ABLIM1: variants seen among roughly 807,000 people sequenced by gnomAD.
ABLIM1 encodes the protein actin-binding LIM protein 1.
A neutral mutation model predicts 107.0 loss-of-function variants in ABLIM1; 40 were observed. The ratio of observed to expected loss-of-function variants is 0.37; its 90% CI spans 0.29 to 0.49. The LOEUF (loss-of-function observed/expected upper bound fraction) is 0.49. Ranked by LOEUF, ABLIM1 falls within the 20% of genes least tolerant of loss-of-function variation. The pLI, the probability that ABLIM1 is intolerant of heterozygous loss-of-function variation, is 0.97. For synonymous variants in ABLIM1, 357 were observed against 357.3 expected (o/e 1.00, Z 0.01); for missense variants, 857 against 1,008.5 (o/e 0.85, Z 2.04).
chr10:114,788,860 G>T, the ABLIM1 span, among the ~76,000 whole-genome samples: 1 of 152,154 alleles, frequency 6.6e-6, no homozygotes, highest in African/African-American at 2.4e-5. Context: ...ACCAAATATT[G>T]CATAGAATAC....
At chr10:114,676,694 C>T (rs2080501944) in intron 1 of ABLIM1, among the ~76,000 whole-genome samples, 2 of 151,998 alleles carry the variant, frequency 1.3e-5, no homozygotes, top group South Asian at 2.1e-4. Context: ...ACTCCTAAGT[C>T]CTTTCACTGT....
chr10:114,709,568 G>C (rs1257310617), intron 1 of ABLIM1, among the ~76,000 whole-genome samples: 1 of 152,140 alleles, frequency 6.6e-6, no homozygotes, highest in African/African-American at 2.4e-5. Context: ...TTGTGTATGA[G>C]ATTGTTTTAT....
chr10:114,512,298 G>A (rs1388666284), intron 6 of ABLIM1, among the ~76,000 whole-genome samples: 1 of 152,170 alleles, frequency 6.6e-6, no homozygotes, highest in Non-Finnish European at 1.5e-5. Flanking sequence ...TTATTCACTC[G>A]TGACATGCTG....
chr10:114,769,552 G>A (rs2082997510), upstream of ABLIM1, among the ~76,000 whole-genome samples: 1 of 134,738 alleles, frequency 7.4e-6, no homozygotes, highest in Admixed American at 7.4e-5. Flanking sequence ...AAGGAAGAAA[G>A]AAAGAGAAGG....
At chr10:114,481,145 A>G (rs925157028) in intron 8 of ABLIM1, among the ~76,000 whole-genome samples, 5 of 152,078 alleles carry the variant, frequency 3.3e-5, no homozygotes, top group Non-Finnish European at 7.4e-5. Flanking sequence ...TCAAATACTA[A>G]CCATTAAAAA....
Position 114,725,179 on chromosome 10 carries a change from G to A in ABLIM1, c.-213+42882C>T, listed in dbSNP as rs2081930647. 3.9e-5 allele frequency among the ~76,000 whole-genome samples: 6 copies of A among 152,220 alleles called. No homozygotes were observed. The South Asian group carries it at 1.2e-3, about 32-fold the overall frequency. On this transcript the variant is annotated intron_variant, in intron 1 of 15. Coordinates refer to the ABLIM1 transcript ENST00000651092. ...ATCAATATCCCTCCGAATTTAAAGAGCCCATAATTTGTGAACTAACAAATT... is the reference window on the plus strand; with the variant it reads ...ATCAATATCCCTCCGAATTTAAAGAACCCATAATTTGTGAACTAACAAATT...
intron 12 of ABLIM1, chr10:114,462,912 C>A (rs2064246604): frequency 9.9e-7 from 1 of 1,006,152 alleles, no homozygotes; most frequent in Non-Finnish European, 1.4e-6. Context: ...TGGGTATAGT[C>A]ATGACACACG....
the ABLIM1 span, among the ~76,000 whole-genome samples, chr10:114,800,089 T>A: frequency 1.3e-5 from 2 of 152,174 alleles, no homozygotes; most frequent in African/African-American, 4.8e-5. Flanking sequence ...AATAATGTTT[T>A]TAATGTAAAA....
the ABLIM1 span, among the ~76,000 whole-genome samples, chr10:114,796,589 C>T: frequency 6.6e-6 from 1 of 152,172 alleles, no homozygotes; most frequent in African/African-American, 2.4e-5. Flanking sequence ...GAGGGTACTA[C>T]ACAAGGGTGT....
At chr10:114,728,865 G>A (rs1331447877) in intron 1 of ABLIM1, among the ~76,000 whole-genome samples, 1 of 152,054 alleles carries the variant, frequency 6.6e-6, no homozygotes, top group African/African-American at 2.4e-5. Context: ...ATTCTATATA[G>A]CAGGGTGCAT....
chr10:114,584,423 C>G (rs534839488), intron 2 of ABLIM1, among the ~76,000 whole-genome samples: 1 of 152,176 alleles, frequency 6.6e-6, no homozygotes, highest in Non-Finnish European at 1.5e-5. Context: ...GACACAATGT[C>G]TTCTCAAACC....
In ABLIM1 at chr10:114,759,897, T is replaced by A. The variant is rs185993171; in HGVS notation, c.-213+8164A>T. Among the ~76,000 whole-genome samples the A allele has an allele frequency of 1.1e-4, 16 of 152,254 alleles. No homozygotes were observed. The East Asian group carries it at 2.7e-3, about 26-fold the overall frequency. On this transcript the variant is annotated intron_variant, in intron 1 of 15. Coordinates refer to the ABLIM1 transcript ENST00000651092. The stretch of plus-strand genomic sequence containing the variant: ...TTAACATTTGTCCTAGATAGAAGCA[T>A]CCCAGGTGGAATTATAACTTATATA...
intron 8 of ABLIM1, among the ~76,000 whole-genome samples, chr10:114,483,016 C>A (rs77223257): frequency 0.025 from 3,735 of 152,306 alleles, 134 homozygotes; most frequent in African/African-American, 0.081. Context: ...GAGCAACACT[C>A]ATTTAAAGTG....
intron 4 of ABLIM1, among the ~76,000 whole-genome samples, chr10:114,560,969 TACAAAAGC>T (rs1375514086): frequency 6.6e-6 from 1 of 152,210 alleles, no homozygotes. Flanking sequence ...GTGATGGTTG[TACAAAAGC>T]ACATTTGCAG....
intron 2 of ABLIM1, among the ~76,000 whole-genome samples, chr10:114,598,274 C>CAAAAAAAA (rs58133284): frequency 9.4e-5 from 6 of 63,802 alleles, no homozygotes; most frequent in Non-Finnish European, 1.3e-4. Context: ...AACTCCATCT[C>CAAAAAAAA]AAAAAAAAAA....
rs868658159 is a variant in ABLIM1, at chr10:114,746,655, G to C, written c.-213+21406C>G. 6.6e-5 allele frequency among the ~76,000 whole-genome samples: 10 copies of C among 152,252 alleles called. No individual in the cohort carries two copies. In the East Asian group the frequency reaches 1.2e-3, roughly 18 times the overall value. The stretch of plus-strand genomic sequence containing the variant: ...CTCCATACTGTTTTCTATAATGGTT[G>C]TACTAATTTACATTCCCACCAACAG... On this transcript the variant is annotated intron_variant, in intron 1 of 15. Transcript: ENST00000651092.
intron 12 of ABLIM1, among the ~76,000 whole-genome samples, chr10:114,464,500 T>C (rs2064714746): frequency 6.6e-6 from 1 of 152,166 alleles, no homozygotes; most frequent in African/African-American, 2.4e-5. Flanking sequence ...ATAAAGGATT[T>C]CTTATTACCC....
At chr10:114,599,801 T>TAAAC (rs142452482) in intron 2 of ABLIM1, among the ~76,000 whole-genome samples, 1 of 150,470 alleles carries the variant, frequency 6.6e-6, no homozygotes, top group Non-Finnish European at 1.5e-5. Context: ...AATAAATAAA[T>TAAAC]AAATAAATAA....
At chr10:114,699,104 C>CAAAA (rs11344931) in intron 1 of ABLIM1, among the ~76,000 whole-genome samples, 10 of 115,244 alleles carry the variant, frequency 8.7e-5, no homozygotes, top group Non-Finnish European at 1.4e-4. Flanking sequence ...TTTTGCTTAG[C>CAAAA]AAAAAAAAAA....
Sources: allele counts gnomAD v4.1 joint callset (sites outside exome capture counted in the v4.1 genomes callset), GRCh38; gene constraint gnomAD v4.1.1; transcripts MANE v1.5; gene names NCBI Gene and HGNC (gene_info 2026-07-23, HGNC 2026-07-21).